Variants in PELI1 observed in about 807,000 individuals in gnomAD.
PELI1 encodes the protein E3 ubiquitin-protein ligase pellino homolog 1.
A neutral mutation model predicts 41.3 loss-of-function variants in PELI1; 15 were observed. That is an observed-to-expected ratio of 0.36 (90% CI 0.24 to 0.56). PELI1 has a LOEUF of 0.56. Among genes scored for constraint, PELI1 ranks in the 20% least tolerant of loss-of-function variants. The pLI is 0.82. For synonymous variants in PELI1, 178 were observed against 180.1 expected, an observed-to-expected ratio of 0.99 and a Z score of 0.09; for missense variants, 403 against 525.5, an observed-to-expected ratio of 0.77 and a Z score of 2.28.
chr2:64,111,163 T>A (rs998787910), intron 1 of PELI1, among the ~76,000 whole-genome samples: 4 of 152,132 alleles, frequency 2.6e-5, no homozygotes, highest in Non-Finnish European at 5.9e-5. Flanking sequence ...CCTCATTTTA[T>A]ACCTCCACCA....
chr2:64,102,066 C>A (rs1215816836), intron 3 of PELI1, among the ~76,000 whole-genome samples: 2 of 151,948 alleles, frequency 1.3e-5, no homozygotes, highest in African/African-American at 2.4e-5. Flanking sequence ...ACCTCGTGAT[C>A]CACCCACCTC....
chr2:64,120,799 T>C (rs956868422), intron 1 of PELI1, among the ~76,000 whole-genome samples: 12 of 152,218 alleles, frequency 7.9e-5, no homozygotes, highest in African/African-American at 2.9e-4. Context: ...TTTAAAAAAG[T>C]AGTATAAAAA....
At chr2:64,113,886 A>G (rs1032293742) in intron 1 of PELI1, among the ~76,000 whole-genome samples, 39 of 152,284 alleles carry the variant, frequency 2.6e-4, no homozygotes, top group African/African-American at 9.4e-4. Context: ...TTTGTCTCTC[A>G]ACCTAACAAA....
At chr2:64,109,419 G>A (rs897137260) in intron 1 of PELI1, among the ~76,000 whole-genome samples, 1 of 152,170 alleles carries the variant, frequency 6.6e-6, no homozygotes, top group Admixed American at 6.5e-5. Flanking sequence ...AGTGGTTCAC[G>A]CCTGTAATCC....
At chr2:64,131,568 G>A (rs1681557530) in intron 1 of PELI1, among the ~76,000 whole-genome samples, 1 of 151,498 alleles carries the variant, frequency 6.6e-6, no homozygotes, top group Non-Finnish European at 1.5e-5. Context: ...AACAAAGGCA[G>A]AAACGACAGG....
chr2:64,124,695 T>C (rs982958159), intron 1 of PELI1, among the ~76,000 whole-genome samples: 53 of 152,216 alleles, frequency 3.5e-4, no homozygotes, highest in Non-Finnish European at 6.9e-4. Flanking sequence ...TTTGTTTATG[T>C]TTTTGCTGAT....
intron 1 of PELI1, among the ~76,000 whole-genome samples, 177 bp downstream of exon 1, chr2:64,143,904 G>C (rs1272817968): frequency 6.6e-6 from 1 of 151,468 alleles, no homozygotes; most frequent in Non-Finnish European, 1.5e-5. Flanking sequence ...GAGCCAGGGC[G>C]CGGGATGCAG....
intron 3 of PELI1, among the ~76,000 whole-genome samples, chr2:64,101,989 G>A (rs984091959): frequency 2.6e-5 from 4 of 151,908 alleles, no homozygotes; most frequent in South Asian, 2.1e-4. Context: ...CACCACGCCC[G>A]GCTAATTTTT....
At chr2:64,111,310 G>A (rs982978342) in intron 1 of PELI1, among the ~76,000 whole-genome samples, 6 of 152,160 alleles carry the variant, frequency 3.9e-5, no homozygotes, top group East Asian at 1.9e-4. Flanking sequence ...ATAAGAACAC[G>A]TCAAAGGAAA....
rs537000200 is a variant in PELI1 at position 64,104,681 on chromosome 2, CTT to C, written c.201+18_201+19del. 0.066 allele frequency: 90,274 copies of C among 1,358,896 alleles called. No individual in the cohort carries two copies. Among genetic ancestry groups the C allele is most frequent in the South Asian group, 0.11 (7,347 of 67,662 alleles). 84.2% of individuals were successfully genotyped at this position (1,358,896 alleles called of 1,614,324 possible). On this transcript the variant is annotated intron_variant, in intron 3 of 6. Transcript: ENST00000358912. ...AAATTCTCCAAGTTAATTTATGTAG[CTT>C]TTTTTTTTTTTTTTTACCTTTGCAG...
chr2:64,106,229 C>A (rs1319353740), intron 2 of PELI1: 1 of 152,206 alleles, frequency 6.6e-6, no homozygotes, highest in Non-Finnish European at 1.5e-5. Context: ...TCTTTAGTCC[C>A]ACATTGCGTT....
At chr2:64,100,883 C>T (rs921039055) in intron 3 of PELI1, among the ~76,000 whole-genome samples, 37 of 152,044 alleles carry the variant, frequency 2.4e-4, no homozygotes, top group African/African-American at 4.8e-4. Flanking sequence ...CACGCTGCCA[C>T]GCCTGGCTAA....
chr2:64,125,739 G>A (rs1055314140), intron 1 of PELI1, among the ~76,000 whole-genome samples: 4 of 152,172 alleles, frequency 2.6e-5, no homozygotes, highest in African/African-American at 9.7e-5. Context: ...CTTCACCACA[G>A]AAGTACCTAG....
intron 1 of PELI1, among the ~76,000 whole-genome samples, chr2:64,124,395 G>C (rs1027225791): frequency 6.6e-6 from 1 of 152,156 alleles, no homozygotes; most frequent in Non-Finnish European, 1.5e-5. Context: ...AGGTTCACTG[G>C]AAGCTGGCAC....
intron 1 of PELI1, among the ~76,000 whole-genome samples, chr2:64,131,833 C>T (rs1398657193): frequency 1.3e-5 from 2 of 152,030 alleles, no homozygotes; most frequent in Non-Finnish European, 2.9e-5. Flanking sequence ...GTTGGCCAGG[C>T]TGGTCTCGAA....
intron 1 of PELI1, among the ~76,000 whole-genome samples, chr2:64,122,708 T>C (rs879265376): frequency 1.3e-5 from 2 of 152,218 alleles, no homozygotes; most frequent in African/African-American, 2.4e-5. Context: ...AGTACATTTG[T>C]ATTGAATATC....
At chr2:64,111,947 G>A (rs1680819001) in intron 1 of PELI1, among the ~76,000 whole-genome samples, 1 of 152,048 alleles carries the variant, frequency 6.6e-6, no homozygotes, top group Non-Finnish European at 1.5e-5. Context: ...CATTTCTGAC[G>A]AAGAACAGCA....
At chr2:64,107,140 G>C (rs1680648560) in intron 2 of PELI1, among the ~76,000 whole-genome samples, 1 of 152,066 alleles carries the variant, frequency 6.6e-6, no homozygotes, top group Non-Finnish European at 1.5e-5. Flanking sequence ...TGTTGGCCAG[G>C]CTGGTCTCGA....
intron 1 of PELI1, among the ~76,000 whole-genome samples, chr2:64,140,542 T>G (rs529560659): frequency 5.3e-5 from 8 of 152,070 alleles, no homozygotes; most frequent in Admixed American, 3.3e-4. Flanking sequence ...GGCTTATTTC[T>G]GAAGGTAGGT....
Sources: gnomAD v4.1 joint callset for allele counts (sites outside exome capture counted in the v4.1 genomes callset) on GRCh38, gnomAD v4.1.1 for gene constraint, MANE v1.5 for transcripts, NCBI Gene and HGNC (gene_info 2026-07-23, HGNC 2026-07-21) for gene names.